NTNG1: variants seen among roughly 807,000 people sequenced by gnomAD.
The protein encoded by NTNG1 is netrin G1, also known as netrin-G1.
In NTNG1, 16 loss-of-function variants were observed where a neutral mutation model predicts 54.0. That is an observed-to-expected ratio of 0.30 (90% CI 0.20 to 0.45). The LOEUF is 0.45. Among genes scored for constraint, NTNG1 ranks in the 20% least tolerant of loss-of-function variants. The probability of loss-of-function intolerance (pLI) is 1.00; values close to 1 mark genes in which losing one functional copy is unlikely to be tolerated. For synonymous variants in NTNG1, 255 were observed against 263.1 expected (o/e 0.97, Z 0.30); for missense variants, 530 against 678.7 (o/e 0.78, Z 2.43).
chr1:107,223,848 T>C (rs1315333446), intron 2 of NTNG1, among the ~76,000 whole-genome samples: 2 of 152,086 alleles, frequency 1.3e-5, no homozygotes, highest in Non-Finnish European at 2.9e-5. Flanking sequence ...GAAGAACCAA[T>C]CTGGAATTGT....
rs539229963 is a variant in NTNG1, at chr1:107,220,474, C to A, written c.246+71635C>A. ...CCTTCTATCCACCATTTTCCTACCT[C>A]TTTCACCATTTTAAATATATCCTCT... On this transcript the variant is annotated intron_variant, in intron 2 of 7. Coordinates refer to ENST00000370068, the MANE Select transcript of NTNG1 (RefSeq NM_001113226.3). 2.0e-5 allele frequency among the ~76,000 whole-genome samples: 3 copies of A among 152,300 alleles called. No individual in the cohort carries two copies. In the South Asian group the frequency reaches 6.2e-4, roughly 32 times the overall value.
chr1:107,185,842 C>T (rs745440486), intron 2 of NTNG1, among the ~76,000 whole-genome samples: 5 of 147,894 alleles, frequency 3.4e-5, no homozygotes, highest in Non-Finnish European at 7.4e-5. Flanking sequence ...TCTACCACAT[C>T]CTTATCCAGT....
chr1:107,346,068 A>G (rs1033315507), intron 3 of NTNG1, among the ~76,000 whole-genome samples: 10 of 152,202 alleles, frequency 6.6e-5, no homozygotes, highest in East Asian at 3.9e-4. Context: ...CTCCCTGCCT[A>G]TGTGGCTGAT....
intron 2 of NTNG1, among the ~76,000 whole-genome samples, chr1:107,295,988 C>T (rs547065400): frequency 3.9e-5 from 6 of 152,218 alleles, no homozygotes; most frequent in African/African-American, 1.4e-4. Flanking sequence ...CTTCTAACCT[C>T]TTTGGCTCAT....
chr1:107,466,543 GA>G (rs2101565532), intron 7 of NTNG1, among the ~76,000 whole-genome samples: 1 of 152,276 alleles, frequency 6.6e-6, no homozygotes, highest in African/African-American at 2.4e-5. Context: ...AAATGTCGAG[GA>G]AAGTGAAATG....
At chr1:107,284,068 A>ATTTG (rs1403207202) in intron 2 of NTNG1, among the ~76,000 whole-genome samples, 2 of 151,940 alleles carry the variant, frequency 1.3e-5, no homozygotes, top group Non-Finnish European at 2.9e-5. Flanking sequence ...ATTTCTACTC[A>ATTTG]TTTGTTAGTA....
chr1:107,275,979 A>G (rs1320671170), intron 2 of NTNG1, among the ~76,000 whole-genome samples: 1 of 152,232 alleles, frequency 6.6e-6, no homozygotes, highest in African/African-American at 2.4e-5. Flanking sequence ...AACACTTAGT[A>G]CAGAGCTGGA....
chr1:107,378,750 C>T (rs892566104), intron 3 of NTNG1, among the ~76,000 whole-genome samples: 3 of 152,132 alleles, frequency 2.0e-5, no homozygotes, highest in Non-Finnish European at 4.4e-5. Context: ...GGACTTAAAT[C>T]CCTAGAGCCA....
At chr1:107,386,133 ATATATATATATGTGTG>A (rs1281391832) in intron 3 of NTNG1, among the ~76,000 whole-genome samples, 4 of 107,268 alleles carry the variant, frequency 3.7e-5, no homozygotes, top group South Asian at 6.9e-4. Flanking sequence ...ATATGTATGT[ATATATATATATGTGTG>A]TATATATATA....
At chr1:107,427,136 T>A (rs1394109996) in intron 5 of NTNG1, among the ~76,000 whole-genome samples, 1 of 152,248 alleles carries the variant, frequency 6.6e-6, no homozygotes, top group Non-Finnish European at 1.5e-5. Context: ...CAGAGATAAT[T>A]TGATTTCCTC....
In NTNG1 at chr1:107,481,198, C is replaced by T. The variant is rs1678692078; in HGVS notation, c.*358C>T. 3.6e-6 allele frequency: 1 copy of T among 276,970 alleles called. No individual in the cohort carries two copies. Among genetic ancestry groups the T allele is most frequent in the East Asian group, 6.5e-5 (1 of 15,500 alleles). The allele number at this position is 276,970 out of a possible 1,614,324, so 17.2% of individuals were successfully genotyped here. A position where few individuals can be genotyped will look rare whatever the true frequency, so the allele number is the denominator to read the frequency against. The stretch of plus-strand genomic sequence containing the variant: ...AAACATTGGCTACTCTAGCGTGGTG[C>T]GCCCTAGTACGACTCCGCCCAGTGT... On this transcript the variant is annotated 3_prime_UTR_variant, in exon 8 of 8. Coordinates refer to ENST00000370068, the MANE Select transcript of NTNG1 (RefSeq NM_001113226.3).
intron 2 of NTNG1, among the ~76,000 whole-genome samples, chr1:107,312,924 C>T (rs1201011862): frequency 6.6e-6 from 1 of 151,966 alleles, no homozygotes; most frequent in African/African-American, 2.4e-5. Flanking sequence ...TGTAAGTTGT[C>T]AACCTGATGC....
intron 3 of NTNG1, among the ~76,000 whole-genome samples, chr1:107,386,175 T>TTTC (rs1671982044): frequency 1.4e-5 from 2 of 142,656 alleles, no homozygotes; most frequent in Non-Finnish European, 1.5e-5. Flanking sequence ...ATTTTTTTTT[T>TTTC]TTTCTTCCTT....
intron 7 of NTNG1, among the ~76,000 whole-genome samples, chr1:107,479,432 G>A (rs1023274206): frequency 6.6e-6 from 1 of 152,162 alleles, no homozygotes; most frequent in African/African-American, 2.4e-5. Context: ...ATATGAGTGT[G>A]TAGTGTGTTG....
chr1:107,363,681 C>T (rs1670419698), intron 3 of NTNG1, among the ~76,000 whole-genome samples: 1 of 152,112 alleles, frequency 6.6e-6, no homozygotes, highest in Admixed American at 6.6e-5. Flanking sequence ...ATAAAGATTG[C>T]TTCTCCTTCA....
chr1:107,331,456 G>A (rs185724486), intron 3 of NTNG1, among the ~76,000 whole-genome samples: 48 of 152,104 alleles, frequency 3.2e-4, no homozygotes, highest in African/African-American at 1.0e-3. Flanking sequence ...GGGCTCATTT[G>A]TCACATTGTG....
chr1:107,386,095 GTA>G (rs764191117), intron 3 of NTNG1, among the ~76,000 whole-genome samples: 160 of 139,166 alleles, frequency 1.1e-3, no homozygotes, highest in African/African-American at 3.9e-3. Context: ...TTATATGTAT[GTA>G]TATATATATA....
intron 3 of NTNG1, among the ~76,000 whole-genome samples, chr1:107,358,423 G>C (rs996989332): frequency 2.0e-5 from 3 of 151,428 alleles, no homozygotes; most frequent in African/African-American, 7.3e-5. Context: ...CTTGCACATA[G>C]ATTTGGTCAC....
intron 7 of NTNG1, among the ~76,000 whole-genome samples, chr1:107,440,754 C>T (rs1000181862): frequency 6.6e-6 from 1 of 152,034 alleles, no homozygotes; most frequent in African/African-American, 2.4e-5. Flanking sequence ...AAAGCTGACC[C>T]CAAAGCAATT....
Sources: allele counts gnomAD v4.1 joint callset (sites outside exome capture counted in the v4.1 genomes callset), GRCh38; gene constraint gnomAD v4.1.1; transcripts MANE v1.5; gene names NCBI Gene and HGNC (gene_info 2026-07-23, HGNC 2026-07-21).